MAP3K4: variants seen among roughly 807,000 people sequenced by gnomAD.
MAP3K4 encodes mitogen-activated protein kinase kinase kinase 4, also known as MAP three kinase 1.
In MAP3K4, 67 loss-of-function variants were observed where a neutral mutation model predicts 185.6. The ratio of observed to expected loss-of-function variants is 0.36; its 90% CI spans 0.30 to 0.44. The LOEUF is 0.44. Ranked by LOEUF, MAP3K4 falls within the 20% of genes least tolerant of loss-of-function variation. MAP3K4 has a pLI of 1.00. For missense variants in MAP3K4, 1,551 were observed against 1,995.1 expected, an observed-to-expected ratio of 0.78 and a Z score of 4.24; for synonymous variants, 702 against 710.4, an observed-to-expected ratio of 0.99 and a Z score of 0.19.
chr6:161,087,660 T>G lies in MAP3K4; in HGVS notation c.2557-28T>G. 1 of 1,611,646 alleles carries G rather than the reference T, an allele frequency of 6.2e-7. No homozygotes were observed. ...CTATTTCTCTAATGTACAGTGTTCC[T>G]TAAGATTTTGGATTATGTCTTTTGC... On this transcript the variant is annotated intron_variant, in intron 9 of 26. Coordinates refer to ENST00000392142, the MANE Select transcript of MAP3K4 (RefSeq NM_005922.4). This position sits in a 1 kb window ranked among gnomAD's most constrained non-coding sequence, Gnocchi z 4.9.
In MAP3K4 at chr6:161,091,473, C is replaced by G; in HGVS notation, c.3068C>G (p.Ser1023Cys). Residue 1023 changes from serine (S) to cysteine (C), a missense_variant, in exon 12 of 27, where the codon TCT becomes TGT. Coordinates refer to ENST00000392142, the MANE Select transcript of MAP3K4 (RefSeq NM_005922.4). This position sits in a 1 kb window ranked among gnomAD's most constrained non-coding sequence, Gnocchi z 5.5. ...TSEFDAEVDE[S>C]ESVTLQQYYR... Reference sequence around the variant, plus strand: ...GAATTTGATGCTGAGGTTGATGAATCTGAATCTGTCACCTTGCAACAGTAC... The same window carrying G: ...GAATTTGATGCTGAGGTTGATGAATGTGAATCTGTCACCTTGCAACAGTAC... The G allele has an allele frequency of 3.7e-6, 6 of 1,614,054 alleles. No homozygotes were observed. The highest frequency in any genetic ancestry group is 2.2e-5 in the East Asian group (1 of 44,870).
intron 19 of MAP3K4, 36 bp downstream of exon 19, chr6:161,102,815 A>C (rs767308808): frequency 2.7e-5 from 38 of 1,412,850 alleles, no homozygotes; most frequent in Middle Eastern, 1.8e-4. Flanking sequence ...AAAAAAAAAA[A>C]AAAAAAAAAC....
chr6:161,015,719 G>C (rs1321858235), intron 1 of MAP3K4, among the ~76,000 whole-genome samples: 1 of 152,158 alleles, frequency 6.6e-6, no homozygotes, highest in Admixed American at 6.5e-5. Context: ...TGCCAGGCTC[G>C]TTTTAACAAC....
intron 1 of MAP3K4, among the ~76,000 whole-genome samples, chr6:161,026,733 C>CTTTTTTTTTTTTTT (rs553664182): frequency 1.4e-3 from 132 of 96,116 alleles, no homozygotes; most frequent in African/African-American, 3.1e-3. Flanking sequence ...GTTCTCTCTC[C>CTTTTTTTTTTTTTT]TTTTTTTTTT....
In MAP3K4 at chr6:161,067,314, C is replaced by G. The variant is rs890919206; in HGVS notation, c.1708-3294C>G. The G allele has an allele frequency of 2.5e-6, 1 of 403,354 alleles. No homozygotes were observed. The highest frequency in any genetic ancestry group is 2.1e-5 in the African/African-American group (1 of 47,928). 25.0% of individuals were successfully genotyped at this position (403,354 alleles called of 1,614,324 possible). ...GGTCACAGGTAGGTAAGAGACAAAA[C>G]GTTACATTTTTTTGAATTTCTGATT... is the stretch of plus-strand genomic sequence containing the variant. On this transcript the variant is annotated intron_variant, in intron 3 of 26. Transcript: ENST00000392142. This position sits in a 1 kb window ranked among gnomAD's most constrained non-coding sequence, Gnocchi z 6.3.
chr6:160,992,012 A>ACCG lies in MAP3K4; in HGVS notation c.93_95dup (p.Pro36dup), dbSNP rs569609736. The stretch of plus-strand genomic sequence containing the variant: ...CCGCCGCCATGGAGGAGCCGCCGCC[A>ACCG]CCGCCGCCGCCGCCACCACCGCCAC... On this transcript the variant is annotated inframe_insertion, in exon 1 of 27. Coordinates refer to ENST00000392142, the MANE Select transcript of MAP3K4 (RefSeq NM_005922.4). 0.051 allele frequency: 79,176 copies of ACCG among 1,539,446 alleles called. 2,049 individuals are homozygous for ACCG. Among genetic ancestry groups the ACCG allele is most frequent in the South Asian group, 0.077 (6,475 of 84,210 alleles).
chr6:161,083,133 C>T (rs769916861), intron 6 of MAP3K4, among the ~76,000 whole-genome samples: 2 of 152,160 alleles, frequency 1.3e-5, no homozygotes, highest in East Asian at 3.9e-4. Context: ...ATGGAGTGCT[C>T]TTCCTCCCAG....
At position 161,015,276 on chromosome 6, in the gene MAP3K4, G is replaced by T. The variant is rs149580974; in HGVS notation, c.153-18983G>T. On this transcript the variant is annotated intron_variant, in intron 1 of 26. Transcript: ENST00000392142. ...GAACAATGAGAACACATGGACACAT[G>T]GGGGGGAAACAGCACACACTGGGGC... is the stretch of plus-strand genomic sequence containing the variant. Among the ~76,000 whole-genome samples the T allele has an allele frequency of 7.9e-4, 120 of 151,834 alleles. 1 individual carries two copies. The East Asian group carries it at 9.5e-3, about 12-fold the overall frequency.
At chr6:161,052,115 G>A (rs1381303454) in intron 3 of MAP3K4, among the ~76,000 whole-genome samples, 1 of 152,106 alleles carries the variant, frequency 6.6e-6, no homozygotes, top group East Asian at 1.9e-4. Context: ...GCCACGGTGG[G>A]GCGGGGGTGA....
chr6:161,010,856 T>C (rs9458088), intron 1 of MAP3K4, among the ~76,000 whole-genome samples: 4,118 of 152,310 alleles, frequency 0.027, 124 homozygotes, highest in African/African-American at 0.072. Context: ...GCTGTGAGAT[T>C]ATATTTATTG....
chr6:161,058,928 A>G (rs1157575100), intron 3 of MAP3K4, among the ~76,000 whole-genome samples: 1 of 152,094 alleles, frequency 6.6e-6, no homozygotes, highest in Non-Finnish European at 1.5e-5. Flanking sequence ...ACACCCCTTT[A>G]TGAACTTATT....
In MAP3K4 at chr6:161,092,071, A is replaced by G; in HGVS notation, c.3197A>G (p.Tyr1066Cys). The change falls in exon 13 of 27, where the codon TAT becomes TGT. Residue 1066 changes from tyrosine (Y) to cysteine (C), a missense_variant. By Grantham distance (194) the Tyr-to-Cys change is radical. Around this residue, in one of 16 missense-constraint regions of MAP3K4, gnomAD observed 261 missense variants for 306.5 expected, o/e 0.85. Transcript: ENST00000392142. ...TTTAGACAGAAGATAGGAGACAAAT[A>G]TATAAGCTTTGCCCGGAAGTGGATG... ...GEFRQKIGDK[Y>C]ISFARKWMNY... 6.2e-7 allele frequency: 1 copy of G among 1,613,810 alleles called. No individual in the cohort carries two copies. The highest frequency in any genetic ancestry group is 8.5e-7 in the Non-Finnish European group (1 of 1,179,762).
At chr6:161,021,004 G>T (rs1308086150) in intron 1 of MAP3K4, among the ~76,000 whole-genome samples, 3 of 151,956 alleles carry the variant, frequency 2.0e-5, no homozygotes, top group Admixed American at 2.0e-4. Context: ...AAAATAGGAG[G>T]TTTTATTTTT....
In MAP3K4 at chr6:161,097,282, C is replaced by T; in HGVS notation, c.3524+106C>T. ...TTGCTCTGAGAGCTAAATACCTTTTCTGCATTGTTCGTACGTAAAAGCTCT... is the reference window on the plus strand; with the variant it reads ...TTGCTCTGAGAGCTAAATACCTTTTTTGCATTGTTCGTACGTAAAAGCTCT... On this transcript the variant is annotated intron_variant, in intron 16 of 26. Transcript: ENST00000392142. This position sits in a 1 kb window ranked among gnomAD's most constrained non-coding sequence, Gnocchi z 4.9. The T allele has an allele frequency of 3.3e-6, 3 of 901,442 alleles. No homozygotes were observed. In the South Asian group the frequency reaches 5.0e-5, roughly 15 times the overall value. The allele number at this position is 901,442 out of a possible 1,614,324, so 55.8% of individuals were successfully genotyped here. A position where few individuals can be genotyped will look rare whatever the true frequency, so the allele number is the denominator to read the frequency against.
At chr6:161,089,041 G>T (rs1395560428) in intron 10 of MAP3K4, among the ~76,000 whole-genome samples, 1 of 151,798 alleles carries the variant, frequency 6.6e-6, no homozygotes, top group Non-Finnish European at 1.5e-5. Flanking sequence ...CACACACTCT[G>T]CACTGGCAGT....
intron 1 of MAP3K4, among the ~76,000 whole-genome samples, chr6:161,010,371 AAAT>A (rs1781790039): frequency 6.6e-6 from 1 of 152,052 alleles, no homozygotes; most frequent in South Asian, 2.1e-4. Flanking sequence ...GTTACATAAT[AAAT>A]AATCTCAAGT....
intron 11 of MAP3K4, 77 bp downstream of exon 11, chr6:161,089,548 A>G (rs1785922500): frequency 1.3e-6 from 2 of 1,487,652 alleles, no homozygotes; most frequent in South Asian, 2.7e-5. Context: ...TGTGTAAGGT[A>G]ATATCATCCA....
At chr6:161,012,359 C>G (rs1392136117) in intron 1 of MAP3K4, among the ~76,000 whole-genome samples, 1 of 152,068 alleles carries the variant, frequency 6.6e-6, no homozygotes, top group Non-Finnish European at 1.5e-5. Flanking sequence ...TGGGAATATT[C>G]CCGTACTCCC....
rs1295637689 is a variant in MAP3K4 at position 161,116,244 on chromosome 6, G to C, written c.4807-606G>C. 2.6e-5 allele frequency among the ~76,000 whole-genome samples: 4 copies of C among 152,124 alleles called. No homozygotes were observed. Among genetic ancestry groups the C allele is most frequent in the Non-Finnish European group, 5.9e-5 (4 of 68,032 alleles). On this transcript the variant is annotated intron_variant, in intron 26 of 26. Coordinates refer to ENST00000392142, the MANE Select transcript of MAP3K4 (RefSeq NM_005922.4). The surrounding 1 kb of genome is among the most constrained non-coding windows in gnomAD (Gnocchi z 6.2). ...AGGTGGTGGGTCCTCTTTGGTGGATGAAGCTTGGGGTACATTTGGAGCATC... is the reference window on the plus strand; with the variant it reads ...AGGTGGTGGGTCCTCTTTGGTGGATCAAGCTTGGGGTACATTTGGAGCATC...
Sources: gnomAD v4.1 joint callset for allele counts (sites outside exome capture counted in the v4.1 genomes callset) on GRCh38, gnomAD v4.1.1 for gene constraint, gnomAD v4.1.1 regional missense constraint, Gnocchi (gnomAD v3.1) non-coding constraint, MANE v1.5 for transcripts, NCBI Gene and HGNC (gene_info 2026-07-23, HGNC 2026-07-21) for gene names.